CD2AP: variants seen among roughly 807,000 people sequenced by gnomAD.
The protein encoded by CD2AP is CD2 associated protein, also known as CD2-associated protein.
CD2AP carries 46 observed loss-of-function variants against 85.1 expected under a neutral mutation model. That is an observed-to-expected ratio of 0.54 (90% CI 0.43 to 0.69). The LOEUF (loss-of-function observed/expected upper bound fraction) is 0.69. Ranked by LOEUF, CD2AP falls within the 30% of genes least tolerant of loss-of-function variation. CD2AP has a pLI of 0.00. For missense variants in CD2AP, 769 were observed against 729.5 expected, an observed-to-expected ratio of 1.05 and a Z score of -0.62; for synonymous variants, 255 against 252.9, an observed-to-expected ratio of 1.01 and a Z score of -0.08.
chr6:47,566,321 T>TACAC (rs765350094), intron 5 of CD2AP, among the ~76,000 whole-genome samples: 51 of 86,818 alleles, frequency 5.9e-4, no homozygotes, highest in Middle Eastern at 0.016. Context: ...TATATATATA[T>TACAC]ATACACATAC....
At chr6:47,565,185 A>G (rs1767960535) in intron 5 of CD2AP, among the ~76,000 whole-genome samples, 1 of 152,160 alleles carries the variant, frequency 6.6e-6, no homozygotes, top group Admixed American at 6.5e-5. Flanking sequence ...TGTTTTCTGT[A>G]GGAATGTGGT....
chr6:47,518,537 C>G (rs1178014869), intron 2 of CD2AP, among the ~76,000 whole-genome samples: 1 of 152,222 alleles, frequency 6.6e-6, no homozygotes, highest in African/African-American at 2.4e-5. Context: ...TGTTTATCCT[C>G]TTTTTACCTG....
rs560542580 is a variant in CD2AP, at chr6:47,533,354, G to A, written c.166-248G>A. ...TTCTTTGTAGTTGGGGTGAGTGGTC[G>A]GGGTGGGGTTTGAGCCTCTCTTTCC... On this transcript the variant is annotated intron_variant, in intron 2 of 17. Coordinates refer to ENST00000359314, the MANE Select transcript of CD2AP (RefSeq NM_012120.3). Among the ~76,000 whole-genome samples, 6 of 152,166 alleles carry A rather than the reference G, an allele frequency of 3.9e-5. No homozygotes were observed. In the South Asian group the frequency reaches 6.2e-4, roughly 16 times the overall value.
chr6:47,514,583 G>A (rs9381569), intron 2 of CD2AP, among the ~76,000 whole-genome samples: 93,101 of 152,052 alleles, frequency 0.61, 29,242 homozygotes, highest in Middle Eastern at 0.74. Context: ...TTAGTTGACT[G>A]TGACATATTT....
intron 3 of CD2AP, 105 bp from the exon 4 acceptor site, chr6:47,544,501 T>C (rs1477033551): frequency 2.5e-6 from 2 of 784,890 alleles, no homozygotes; most frequent in Non-Finnish European, 4.3e-6. Context: ...TACGTTCTGT[T>C]TTTATTTATT....
chr6:47,554,821 A>G (rs555004813), intron 5 of CD2AP, 55 bp downstream of exon 5: 2 of 1,455,654 alleles, frequency 1.4e-6, no homozygotes, highest in Admixed American at 2.0e-5. Context: ...TATAGCATCT[A>G]GTGTTTTATT....
In CD2AP at chr6:47,599,440, A is replaced by G; in HGVS notation, c.1414A>G (p.Thr472Ala). 2 of 1,612,162 alleles carry G rather than the reference A, an allele frequency of 1.2e-6. No individual in the cohort carries two copies. The highest frequency in any genetic ancestry group is 8.5e-7 in the Non-Finnish European group (1 of 1,178,922). The change falls in exon 13 of 18, where the codon ACA (threonine) becomes GCA (alanine). Residue 472 changes from threonine to alanine, a missense_variant. Transcript: ENST00000359314. Reference protein sequence around the residue: ...DSLTVRTSKETDVVNFDDIAS... With the variant: ...DSLTVRTSKEADVVNFDDIAS... ...ACTTACAGTAAGGACCTCCAAAGAA[A>G]CAGGTAAGTCAGCATGGACAGCGGT... is the stretch of plus-strand genomic sequence containing the variant.
chr6:47,595,448 G>C (rs1015419574), intron 11 of CD2AP, among the ~76,000 whole-genome samples: 3 of 151,662 alleles, frequency 2.0e-5, no homozygotes, highest in African/African-American at 7.3e-5. Flanking sequence ...TAGGACTTGA[G>C]TTTCTACTTG....
At chr6:47,511,692 A>T (rs941130255) in intron 2 of CD2AP, among the ~76,000 whole-genome samples, 2 of 152,236 alleles carry the variant, frequency 1.3e-5, no homozygotes, top group African/African-American at 4.8e-5. Context: ...ATCAACAGCA[A>T]TGGATAATAC....
At chr6:47,523,515 TAAA>T (rs1314870009) in intron 2 of CD2AP, among the ~76,000 whole-genome samples, 1 of 152,024 alleles carries the variant, frequency 6.6e-6, no homozygotes, top group African/African-American at 2.4e-5. Context: ...AAAATAAAAA[TAAA>T]AAACGGTTGA....
At chr6:47,576,936 G>A in intron 7 of CD2AP, 73 bp from the exon 8 acceptor site, 1 of 853,906 alleles carries the variant, frequency 1.2e-6, no homozygotes, top group Admixed American at 1.7e-5. Flanking sequence ...CTTTACACAA[G>A]ATAGAGGCTA....
intron 1 of CD2AP, among the ~76,000 whole-genome samples, chr6:47,483,626 G>C (rs1765498813): frequency 6.6e-6 from 1 of 152,140 alleles, no homozygotes; most frequent in African/African-American, 2.4e-5. Context: ...TTTCTGTCCT[G>C]GGACTACATT....
At chr6:47,532,809 A>G (rs549588261) in intron 2 of CD2AP, among the ~76,000 whole-genome samples, 1 of 152,278 alleles carries the variant, frequency 6.6e-6, no homozygotes, top group South Asian at 2.1e-4. Context: ...AATTGCATTG[A>G]TATATTACAT....
At chr6:47,580,836 G>C (rs1325822062) in intron 9 of CD2AP, 28 bp from the exon 10 acceptor site, 3 of 1,571,270 alleles carry the variant, frequency 1.9e-6, no homozygotes, top group Non-Finnish European at 2.6e-6. Context: ...AAACTGGTCA[G>C]CCGTTTCCAC....
chr6:47,478,700 G>C (rs1253314267), intron 1 of CD2AP, among the ~76,000 whole-genome samples: 1 of 152,166 alleles, frequency 6.6e-6, no homozygotes, highest in Non-Finnish European at 1.5e-5. Flanking sequence ...TACGTTTAAG[G>C]AGAGAGATAA....
At chr6:47,488,741 GAT>G in intron 1 of CD2AP, among the ~76,000 whole-genome samples, 1 of 144,658 alleles carries the variant, frequency 6.9e-6, no homozygotes, top group African/African-American at 2.5e-5. Flanking sequence ...AAAAAAAAGA[GAT>G]AGCCAGGTGT....
rs2152796 is a variant in CD2AP at position 47,626,566 on chromosome 6, T to C, written c.*2339T>C. On this transcript the variant is annotated 3_prime_UTR_variant, in exon 18 of 18. Transcript: ENST00000359314. ...TGAGACACACAGTATCATTAATTTC[T>C]GAATTGTATTTCAGTGTTATTTTTT... The C allele has an allele frequency of 0.95, 145,001 of 152,352 alleles. 69,394 individuals are homozygous for C. Among genetic ancestry groups the C allele is most frequent in the South Asian group, 1 (4,813 of 4,818 alleles). 9.4% of individuals were successfully genotyped at this position (152,352 alleles called of 1,614,324 possible).
At chr6:47,550,536 A>C (rs1236251096) in intron 4 of CD2AP, among the ~76,000 whole-genome samples, 7 of 152,112 alleles carry the variant, frequency 4.6e-5, no homozygotes, top group Non-Finnish European at 8.8e-5. Context: ...TTAAAAAAAA[A>C]ATAGATGTTT....
rs1374303674 is a variant in CD2AP at position 47,503,333 on chromosome 6, A to G, written c.58A>G (p.Ile20Val). The change falls in exon 2 of 18, where the codon ATT (isoleucine) becomes GTT (valine). Residue 20 changes from isoleucine (I) to valine (V), a missense_variant. By Grantham distance (29) the Ile-to-Val change is conservative. Transcript: ENST00000359314. ...TGCTGTACATGATGATGAATTAACT[A>G]TTCGAGTTGGAGAAATCATCAGGAA... ...YDAVHDDELTIRVGEIIRNVK... is the reference protein window; with the variant it reads ...YDAVHDDELTVRVGEIIRNVK... The G allele has an allele frequency of 6.2e-7, 1 of 1,613,758 alleles. No individual in the cohort carries two copies. Among genetic ancestry groups the G allele is most frequent in the Non-Finnish European group, 8.5e-7 (1 of 1,179,778 alleles).
Sources: gnomAD v4.1 joint callset for allele counts (sites outside exome capture counted in the v4.1 genomes callset) on GRCh38, gnomAD v4.1.1 for gene constraint, MANE v1.5 for transcripts, NCBI Gene and HGNC (gene_info 2026-07-23, HGNC 2026-07-21) for gene names.